The following BAZ2B variants were observed in gnomAD, a reference collection of about 807,000 sequenced individuals.
The protein encoded by BAZ2B is bromodomain adjacent to zinc finger domain protein 2B.
In BAZ2B, 91 loss-of-function variants were observed where a neutral mutation model predicts 246.0. That is an observed-to-expected ratio of 0.37 (90% confidence interval 0.31 to 0.44). The LOEUF is 0.44. BAZ2B is among the 20% of genes least tolerant of loss of function. BAZ2B has a pLI of 1.00. For missense variants in BAZ2B, 2,332 were observed against 2,533.7 expected (o/e 0.92, Z 1.71); for synonymous variants, 855 against 860.0 (o/e 0.99, Z 0.10).
At position 159,488,662 on chromosome 2, in the gene BAZ2B, A is replaced by G. The variant is rs150531673; in HGVS notation, c.-2-9941T>C. ...TCAGTCTATTTCAATTTTCCACATTAAAAAATATTACACAAAAATGAAACA... is the reference window on the plus strand; with the variant it reads ...TCAGTCTATTTCAATTTTCCACATTGAAAAATATTACACAAAAATGAAACA... On this transcript the variant is annotated intron_variant, in intron 2 of 36. Coordinates refer to ENST00000392783, the MANE Select transcript of BAZ2B (RefSeq NM_013450.4). Among the ~76,000 whole-genome samples, 455 of 152,298 alleles carry G rather than the reference A, an allele frequency of 3.0e-3. 1 individual carries two copies. The highest frequency in any genetic ancestry group is 5.2e-3 in the Non-Finnish European group (356 of 68,026).
chr2:159,708,825 G>A, the BAZ2B span, among the ~76,000 whole-genome samples: 1 of 152,056 alleles, frequency 6.6e-6, no homozygotes, highest in Non-Finnish European at 1.5e-5. Context: ...GCCTCTCAAA[G>A]TCCTGGGATT....
chr2:159,491,223 G>A (rs2151020722), intron 2 of BAZ2B, among the ~76,000 whole-genome samples: 1 of 152,190 alleles, frequency 6.6e-6, no homozygotes, highest in South Asian at 2.1e-4. Context: ...CAATAACAAG[G>A]CTTAGAAATA....
Position 159,446,789 on chromosome 2 carries a change from T to C in BAZ2B, c.689A>G (p.Lys230Arg). The stretch of plus-strand genomic sequence containing the variant: ...CTTCCAAGTACAACTTACCTTATCT[T>C]TGATTTTGTCAACTCTAGCATCCAA... ...QPLDARVDKI[K>R]DKKPRKKAME... The change falls in exon 6 of 37, where the codon AAA becomes AGA. Residue 230 changes from lysine (K) to arginine (R), a missense_variant. Transcript: ENST00000392783. 6.2e-7 allele frequency: 1 copy of C among 1,606,006 alleles called. No homozygotes were observed. Among genetic ancestry groups the C allele is most frequent in the Non-Finnish European group, 8.5e-7 (1 of 1,176,224 alleles).
chr2:159,682,928 C>T, the BAZ2B span, among the ~76,000 whole-genome samples: 6 of 151,004 alleles, frequency 4.0e-5, no homozygotes, highest in Non-Finnish European at 5.9e-5. Flanking sequence ...CCACACACAC[C>T]TTTCTAGGAG....
intron 2 of BAZ2B, among the ~76,000 whole-genome samples, chr2:159,491,503 G>C (rs367548816): frequency 2.9e-4 from 44 of 151,192 alleles, no homozygotes; most frequent in African/African-American, 1.0e-3. Context: ...GGCGGATCAC[G>C]AGGTCAGGAG....
chr2:159,462,725 C>T (rs2076564260), intron 3 of BAZ2B: 1 of 1,413,524 alleles, frequency 7.1e-7, no homozygotes, highest in Non-Finnish European at 1.0e-6. Flanking sequence ...GGTAAACTTC[C>T]ACTCTGATCT....
At chr2:159,413,164 A>G (rs979787534) in intron 13 of BAZ2B, among the ~76,000 whole-genome samples, 1 of 152,182 alleles carries the variant, frequency 6.6e-6, no homozygotes, top group Non-Finnish European at 1.5e-5. Context: ...CACACACACA[A>G]AAATCAAACC....
At chr2:159,343,239 C>T (rs112358302) in intron 31 of BAZ2B, among the ~76,000 whole-genome samples, 5 of 152,264 alleles carry the variant, frequency 3.3e-5, no homozygotes, top group African/African-American at 1.2e-4. Context: ...ACTAGACCCC[C>T]ACCTCTTATC....
chr2:159,417,164 T>G (rs1049147349), intron 13 of BAZ2B, among the ~76,000 whole-genome samples: 12 of 143,970 alleles, frequency 8.3e-5, no homozygotes, highest in African/African-American at 1.0e-4. Context: ...AAAGATTAGG[T>G]TTTTTTTTTT....
At chr2:159,540,911 A>G (rs931683299) in intron 2 of BAZ2B, among the ~76,000 whole-genome samples, 2 of 152,216 alleles carry the variant, frequency 1.3e-5, no homozygotes, top group Non-Finnish European at 2.9e-5. Flanking sequence ...ACAAGTCACA[A>G]GCAGAGCTAA....
At chr2:159,330,030 A>C (rs2064449220) in intron 34 of BAZ2B, among the ~76,000 whole-genome samples, 1 of 152,252 alleles carries the variant, frequency 6.6e-6, no homozygotes, top group South Asian at 2.1e-4. Flanking sequence ...GACTGCTGTT[A>C]AGTTATATTT....
At chr2:159,636,982 C>T in the BAZ2B span, among the ~76,000 whole-genome samples, 1 of 152,140 alleles carries the variant, frequency 6.6e-6, no homozygotes, top group Non-Finnish European at 1.5e-5. Flanking sequence ...AGGACCTAGT[C>T]CTGGGAAGAT....
chr2:159,533,766 T>G (rs1217413540), intron 2 of BAZ2B, among the ~76,000 whole-genome samples: 3 of 152,212 alleles, frequency 2.0e-5, no homozygotes, highest in Non-Finnish European at 4.4e-5. Context: ...TGGTCATTCA[T>G]TAAATATCCT....
the BAZ2B span, among the ~76,000 whole-genome samples, chr2:159,628,380 G>C: frequency 2.0e-5 from 3 of 152,156 alleles, no homozygotes; most frequent in East Asian, 3.8e-4. Flanking sequence ...TAAGCAAAAA[G>C]AACAAAGCTG....
At chr2:159,386,672 T>A (rs918351) in intron 21 of BAZ2B, 65 bp from the exon 22 acceptor site, 1,241,063 of 1,451,402 alleles carry the variant, frequency 0.86, 538,737 homozygotes, top group Non-Finnish European at 0.9. Flanking sequence ...CATGATTTCG[T>A]ATCTTCTAAA....
At chr2:159,615,385 G>C (rs1247538729) in intron 1 of BAZ2B, 1 of 152,248 alleles carries the variant, frequency 6.6e-6, no homozygotes. Flanking sequence ...ATGAGACCAA[G>C]GCACAGACCT....
At chr2:159,400,276 T>G (rs887955216) in intron 17 of BAZ2B, among the ~76,000 whole-genome samples, 32 of 152,230 alleles carry the variant, frequency 2.1e-4, no homozygotes, top group African/African-American at 7.7e-4. Flanking sequence ...AAAGTAAATA[T>G]CAGACTATAA....
chr2:159,551,207 C>T (rs986472149), intron 2 of BAZ2B, among the ~76,000 whole-genome samples: 9 of 152,092 alleles, frequency 5.9e-5, no homozygotes, highest in East Asian at 3.9e-4. Flanking sequence ...CGGTGGCTCA[C>T]GCCTATAATC....
intron 1 of BAZ2B, among the ~76,000 whole-genome samples, chr2:159,578,639 A>G (rs1246959688): frequency 6.6e-6 from 1 of 152,208 alleles, no homozygotes; most frequent in Non-Finnish European, 1.5e-5. Flanking sequence ...TCAGCAACAC[A>G]TCGCACTTAT....
Sources: allele counts gnomAD v4.1 joint callset (sites outside exome capture counted in the v4.1 genomes callset), GRCh38; gene constraint gnomAD v4.1.1; transcripts MANE v1.5; gene names NCBI Gene and HGNC (gene_info 2026-07-23, HGNC 2026-07-21).